The following NUAK1 variants were observed in gnomAD, a reference collection of about 807,000 sequenced individuals.
NUAK1 encodes the protein NUAK family kinase 1, also known as NUAK family SNF1-like kinase 1.
In NUAK1, 26 loss-of-function variants were observed where a neutral mutation model predicts 56.9. That is an observed-to-expected ratio of 0.46 (90% CI 0.33 to 0.63). The LOEUF (loss-of-function observed/expected upper bound fraction) is 0.63, where lower values mean the gene tolerates loss of function less well. Ranked by LOEUF, NUAK1 falls within the 30% of genes least tolerant of loss-of-function variation. NUAK1 has a pLI of 0.02. For synonymous variants in NUAK1, 337 were observed against 336.0 expected, an observed-to-expected ratio of 1.00 and a Z score of -0.03; for missense variants, 727 against 876.1, an observed-to-expected ratio of 0.83 and a Z score of 2.15.
intron 1 of NUAK1, among the ~76,000 whole-genome samples, chr12:106,121,727 G>A (rs1592861946): frequency 6.6e-6 from 1 of 152,052 alleles, no homozygotes; most frequent in African/African-American, 2.4e-5. Context: ...TCCAGCCTGG[G>A]GTACAGAGCG....
chr12:106,138,636 C>A lies in NUAK1; in HGVS notation c.18G>T (p.Ala6=). The A allele has an allele frequency of 6.5e-7, 1 of 1,544,724 alleles. No homozygotes were observed. Residue 6 remains alanine, a synonymous_variant, in exon 1 of 7, where the codon GCG becomes GCT. Coordinates refer to ENST00000261402, the MANE Select transcript of NUAK1 (RefSeq NM_014840.3). The surrounding 1 kb of genome is among the most constrained non-coding windows in gnomAD (Gnocchi z 5.0). The part of the protein sequence containing the change: MEGAA[A]PVAGDRPDLG... ...AGTCGGGGCGGTCCCCCGCCACAGG[C>A]GCGGCGGCCCCTTCCATGTCCAAGC...
intron 1 of NUAK1, 32 bp from the exon 2 acceptor site, chr12:106,106,557 A>G: frequency 6.3e-7 from 1 of 1,587,948 alleles, no homozygotes; most frequent in Non-Finnish European, 8.6e-7. Flanking sequence ...TGTTATTCAG[A>G]GAGCTAAACA....
chr12:106,067,742 A>C lies in NUAK1; in HGVS notation c.1046T>G (p.Met349Arg). 1.2e-6 allele frequency: 2 copies of C among 1,614,076 alleles called. No individual in the cohort carries two copies. Among genetic ancestry groups the C allele is most frequent in the Non-Finnish European group, 1.7e-6 (2 of 1,180,010 alleles). ...GGTCGTGGGTTTGGCCAGGCCCTTC[A>C]TTTTGGCTTCGGTGTCAGCCTGCAG... ...TGLQADTEAKMKGLAKPTTSE... is the reference protein window; with the variant it reads ...TGLQADTEAKRKGLAKPTTSE... The change falls in exon 7 of 7, where the codon ATG becomes AGG. Residue 349 changes from methionine to arginine, a missense_variant. Physicochemically the swap from Met to Arg is moderately conservative, Grantham distance 91. Coordinates refer to ENST00000261402, the MANE Select transcript of NUAK1 (RefSeq NM_014840.3). The surrounding 1 kb of genome is among the most constrained non-coding windows in gnomAD (Gnocchi z 6.0).
intron 2 of NUAK1, among the ~76,000 whole-genome samples, chr12:106,098,479 G>T (rs1273386085): frequency 1.3e-5 from 2 of 152,128 alleles, no homozygotes; most frequent in African/African-American, 4.8e-5. Flanking sequence ...TGCCAAAGAG[G>T]CTTCCTACTT....
intron 2 of NUAK1, among the ~76,000 whole-genome samples, chr12:106,092,284 C>T (rs1056356777): frequency 2.0e-5 from 3 of 151,974 alleles, no homozygotes; most frequent in Admixed American, 2.0e-4. Context: ...TTTGGGAGGC[C>T]GAGGCGGGTG....
chr12:106,066,910 CTTCAGGTACTGGGGCCGGGGCCGG>C lies in NUAK1; in HGVS notation c.1854_1877del (p.Asn618_Leu625del), dbSNP rs751129544. ...TGTCTGCCAGCCGGTTCCGGTACCG[CTTCAGGTACTGGGGCCGGGGCCGG>C]TTCTGGAGCCCCTCAAAGTCCTGGA... On this transcript the variant is annotated inframe_deletion, in exon 7 of 7. Transcript: ENST00000261402. 62 of 1,614,258 alleles carry C rather than the reference CTTCAGGTACTGGGGCCGGGGCCGG, an allele frequency of 3.8e-5. No homozygotes were observed. The Admixed American group carries it at 5.3e-4, about 14-fold the overall frequency.
chr12:106,079,803 A>C (rs902336865), intron 4 of NUAK1, among the ~76,000 whole-genome samples: 1 of 152,158 alleles, frequency 6.6e-6, no homozygotes, highest in Non-Finnish European at 1.5e-5. Context: ...TCTCTTCTTC[A>C]CTGACTTCTG....
At position 106,065,937 on chromosome 12, in the gene NUAK1, G is replaced by A. The variant is rs1406534793; in HGVS notation, c.*865C>T. ...CTTTCTCCCTGTCCACCCTCAAGAG[G>A]TTGTGCTGTAGAGCAAGGCAGACAT... On this transcript the variant is annotated 3_prime_UTR_variant, in exon 7 of 7. Coordinates refer to ENST00000261402, the MANE Select transcript of NUAK1 (RefSeq NM_014840.3). 2 of 152,540 alleles carry A rather than the reference G, an allele frequency of 1.3e-5. No individual in the cohort carries two copies. Among genetic ancestry groups the A allele is most frequent in the African/African-American group, 4.8e-5 (2 of 41,450 alleles). 9.4% of individuals were successfully genotyped at this position (152,540 alleles called of 1,614,324 possible).
chr12:106,105,113 C>G (rs544620725), intron 2 of NUAK1, among the ~76,000 whole-genome samples: 47 of 152,198 alleles, frequency 3.1e-4, no homozygotes, highest in Non-Finnish European at 5.9e-4. Flanking sequence ...GCCACCACAC[C>G]TGACTACTTT....
intron 1 of NUAK1, among the ~76,000 whole-genome samples, chr12:106,123,867 G>T (rs555731561): frequency 3.5e-4 from 54 of 152,236 alleles, no homozygotes; most frequent in African/African-American, 1.3e-3. Flanking sequence ...CACTGGGCCC[G>T]AGACACTGCA....
At chr12:106,106,374 A>G in intron 2 of NUAK1, 31 bp downstream of exon 2, 2 of 1,524,366 alleles carry the variant, frequency 1.3e-6, no homozygotes, top group Non-Finnish European at 8.8e-7. Flanking sequence ...GGTAACTGAT[A>G]TGGGGGTTAA....
At position 106,070,754 on chromosome 12, in the gene NUAK1, T is replaced by A; in HGVS notation, c.832+20A>T. 1 of 1,613,736 alleles carries A rather than the reference T, an allele frequency of 6.2e-7. No homozygotes were observed. The highest frequency in any genetic ancestry group is 1.3e-5 in the African/African-American group (1 of 74,966). ...TCTCTCTCCCCTCCACCTCTGACCC[T>A]CCCTCCACAGGGCACGCACCTGAGG... is the stretch of plus-strand genomic sequence containing the variant. On this transcript the variant is annotated intron_variant, in intron 6 of 6. Coordinates refer to ENST00000261402, the MANE Select transcript of NUAK1 (RefSeq NM_014840.3).
rs937226559 is a variant in NUAK1, at chr12:106,083,793, G to C, written c.579+71C>G. 2.7e-5 allele frequency: 37 copies of C among 1,357,010 alleles called. No homozygotes were observed. In the African/African-American group the frequency reaches 4.9e-4, roughly 18 times the overall value. 84.1% of individuals were successfully genotyped at this position (1,357,010 alleles called of 1,614,324 possible). On this transcript the variant is annotated intron_variant, in intron 4 of 6. Transcript: ENST00000261402. ...TGCCTTATTTCCAGGCTGCGGCTTG[G>C]AGCAGGTTAAGCCTCCATCCGGCTG...
intron 1 of NUAK1, among the ~76,000 whole-genome samples, chr12:106,133,308 A>T (rs1158128253): frequency 6.6e-6 from 1 of 152,096 alleles, no homozygotes; most frequent in African/African-American, 2.4e-5. Context: ...TAGCTGGAGA[A>T]CACTTTCTAA....
At chr12:106,080,430 C>T (rs571496262) in intron 4 of NUAK1, among the ~76,000 whole-genome samples, 15 of 152,202 alleles carry the variant, frequency 9.9e-5, no homozygotes, top group African/African-American at 2.2e-4. Flanking sequence ...GAATTTGGCC[C>T]GTTTTTTATT....
chr12:106,107,672 C>G (rs4964439), intron 1 of NUAK1, among the ~76,000 whole-genome samples: 35,102 of 152,138 alleles, frequency 0.23, 4,176 homozygotes, highest in Admixed American at 0.25. Flanking sequence ...CACAGTCAAC[C>G]CCAGCCAGCC....
chr12:106,108,638 G>A (rs1337915790), intron 1 of NUAK1, among the ~76,000 whole-genome samples: 1 of 152,188 alleles, frequency 6.6e-6, no homozygotes, highest in Non-Finnish European at 1.5e-5. Context: ...GTGGCTGCTG[G>A]AACAACTCCT....
chr12:106,113,673 A>T (rs2032887966), intron 1 of NUAK1, among the ~76,000 whole-genome samples: 1 of 149,352 alleles, frequency 6.7e-6, no homozygotes, highest in African/African-American at 2.5e-5. Flanking sequence ...CAGTTATATT[A>T]CATACTAGAT....
At chr12:106,131,451 T>C (rs1410702054) in intron 1 of NUAK1, among the ~76,000 whole-genome samples, 1 of 152,232 alleles carries the variant, frequency 6.6e-6, no homozygotes, top group Non-Finnish European at 1.5e-5. Context: ...TGTGGTCTTT[T>C]GTGTCTGGCT....
Sources: allele counts gnomAD v4.1 joint callset (sites outside exome capture counted in the v4.1 genomes callset), GRCh38; gene constraint gnomAD v4.1.1; non-coding constraint Gnocchi (gnomAD v3.1); transcripts MANE v1.5; gene names NCBI Gene and HGNC (gene_info 2026-07-23, HGNC 2026-07-21).